Variants in ELMO1 observed in about 807,000 individuals in gnomAD.
ELMO1 encodes the protein engulfment and cell motility protein 1.
Under a neutral mutation model 98.9 loss-of-function variants are expected in ELMO1, and 26 were observed. The ratio of observed to expected loss-of-function variants is 0.26; its 90% confidence interval spans 0.19 to 0.36. The LOEUF is 0.36. ELMO1 is among the 10% of genes least tolerant of loss of function. The probability of loss-of-function intolerance (pLI) is 1.00; values close to 1 mark genes in which losing one functional copy is unlikely to be tolerated. For missense variants in ELMO1, 627 were observed against 935.2 expected (o/e 0.67, Z 4.30); for synonymous variants, 346 against 346.0 (o/e 1.00, Z 0.00).
chr7:36,934,687 A>G (rs1019204261), intron 16 of ELMO1, among the ~76,000 whole-genome samples: 3 of 152,240 alleles, frequency 2.0e-5, no homozygotes, highest in Admixed American at 6.5e-5. Flanking sequence ...CCTTGACAAG[A>G]AGTCAGATGC....
rs1419098615 is a variant in ELMO1 at position 36,870,132 on chromosome 7, A to G, written c.1905+261T>C. On this transcript the variant is annotated intron_variant, in intron 20 of 21. Coordinates refer to ENST00000310758, the MANE Select transcript of ELMO1 (RefSeq NM_014800.11). This position sits in a 1 kb window ranked among gnomAD's most constrained non-coding sequence, Gnocchi z 4.4. ...AAGAGAGGACAAAGTGACAATAGTG[A>G]GGGCAATTCTTAGGGTTGGAAGTAG... is the stretch of plus-strand genomic sequence containing the variant. Among the ~76,000 whole-genome samples the G allele has an allele frequency of 1.3e-5, 2 of 152,168 alleles. No individual in the cohort carries two copies. The highest frequency in any genetic ancestry group is 1.3e-4 in the Admixed American group (2 of 15,278).
chr7:36,973,000 C>CTGACCTCAGGT, intron 16 of ELMO1, among the ~76,000 whole-genome samples: 1 of 152,148 alleles, frequency 6.6e-6, no homozygotes, highest in East Asian at 1.9e-4. Context: ...AGGCTGGTCT[C>CTGACCTCAGGT]GAACTACTGA....
At chr7:36,918,317 C>G (rs1784867692) in intron 16 of ELMO1, among the ~76,000 whole-genome samples, 1 of 152,178 alleles carries the variant, frequency 6.6e-6, no homozygotes, top group African/African-American at 2.4e-5. Context: ...AGGTGCTCAA[C>G]ACCTATTTGC....
intron 16 of ELMO1, among the ~76,000 whole-genome samples, chr7:36,919,932 C>T (rs1000017004): frequency 2.1e-4 from 32 of 152,274 alleles, no homozygotes; most frequent in Non-Finnish European, 4.4e-4. Flanking sequence ...TAATGTGTCA[C>T]GACTGGGAAC....
intron 18 of ELMO1, among the ~76,000 whole-genome samples, chr7:36,879,187 C>T (rs552541226): frequency 6.6e-6 from 1 of 151,184 alleles, no homozygotes; most frequent in African/African-American, 2.4e-5. Flanking sequence ...GGAAGAGTCA[C>T]AGTCTCTCCG....
At chr7:37,393,206 T>C (rs1434050217) in intron 1 of ELMO1, among the ~76,000 whole-genome samples, 2 of 152,184 alleles carry the variant, frequency 1.3e-5, no homozygotes, top group Admixed American at 1.3e-4. Context: ...TATAAATAAA[T>C]TTCATTCTTC....
At chr7:37,124,044 T>C (rs776588591) in intron 14 of ELMO1, among the ~76,000 whole-genome samples, 90 of 152,180 alleles carry the variant, frequency 5.9e-4, no homozygotes, top group Non-Finnish European at 1.1e-3. Flanking sequence ...AACCACATGA[T>C]TACCTCAACA....
intron 15 of ELMO1, among the ~76,000 whole-genome samples, chr7:37,047,219 C>T (rs116648570): frequency 0.016 from 2,460 of 152,298 alleles, 21 homozygotes; most frequent in Middle Eastern, 0.041. Context: ...ATACAAATGA[C>T]CTGGCATTTC....
chr7:37,195,142 C>T (rs1322050336), intron 13 of ELMO1, among the ~76,000 whole-genome samples: 1 of 152,162 alleles, frequency 6.6e-6, no homozygotes, highest in Non-Finnish European at 1.5e-5. Context: ...AAGAATACAA[C>T]ACACTCAGTT....
intron 1 of ELMO1, among the ~76,000 whole-genome samples, chr7:37,359,006 C>T (rs945359323): frequency 6.6e-6 from 1 of 152,118 alleles, no homozygotes; most frequent in Non-Finnish European, 1.5e-5. Flanking sequence ...GAGTCATTGA[C>T]GAACCAGGAT....
chr7:37,383,972 C>T (rs1424478568), intron 1 of ELMO1, among the ~76,000 whole-genome samples: 1 of 152,090 alleles, frequency 6.6e-6, no homozygotes. Flanking sequence ...CCCGCCACCG[C>T]GCCCGGCTAA....
At chr7:36,882,548 C>T (rs1399732331) in intron 18 of ELMO1, among the ~76,000 whole-genome samples, 8 of 152,208 alleles carry the variant, frequency 5.3e-5, no homozygotes, top group Admixed American at 4.6e-4. Flanking sequence ...GACACAGCTG[C>T]TCAGAGCAAA....
At chr7:36,980,056 T>C (rs545411571) in intron 16 of ELMO1, among the ~76,000 whole-genome samples, 1 of 152,210 alleles carries the variant, frequency 6.6e-6, no homozygotes, top group Admixed American at 6.5e-5. Flanking sequence ...CACTTACAGC[T>C]CAAAGGAAAA....
chr7:37,155,487 C>CAAAAA lies in ELMO1; in HGVS notation c.1087-22258_1087-22254dup, dbSNP rs781745325. 5.9e-3 allele frequency among the ~76,000 whole-genome samples: 293 copies of CAAAAA among 49,614 alleles called. 17 individuals carry two copies. The highest frequency in any genetic ancestry group is 0.018 in the African/African-American group (267 of 15,002). 32.5% of individuals were successfully genotyped at this position (49,614 alleles called of 152,430 possible). On this transcript the variant is annotated intron_variant, in intron 13 of 21. Coordinates refer to ENST00000310758, the MANE Select transcript of ELMO1 (RefSeq NM_014800.11). ...GATGGAGGAAGAAGCAAACGGAAAGCAAAAAAAAAAAAAAAAAAAAAGCAG... is the reference window on the plus strand; with the variant it reads ...GATGGAGGAAGAAGCAAACGGAAAGCAAAAAAAAAAAAAAAAAAAAAAAAAAGCAG...
At chr7:37,088,732 T>C (rs1431133205) in intron 15 of ELMO1, among the ~76,000 whole-genome samples, 1 of 152,210 alleles carries the variant, frequency 6.6e-6, no homozygotes, top group Non-Finnish European at 1.5e-5. Context: ...GAGAATACCA[T>C]TATAAATCCC....
chr7:37,311,578 A>T (rs1417498194), intron 4 of ELMO1, among the ~76,000 whole-genome samples: 7 of 152,158 alleles, frequency 4.6e-5, no homozygotes, highest in Non-Finnish European at 7.3e-5. Flanking sequence ...ACTTGCAAGG[A>T]ACTAGATGGA....
At chr7:37,314,679 TATC>T (rs1562605528) in intron 4 of ELMO1, among the ~76,000 whole-genome samples, 168 bp downstream of exon 4, 1 of 152,190 alleles carries the variant, frequency 6.6e-6, no homozygotes, top group Admixed American at 6.5e-5. Flanking sequence ...AGCTGGCAAA[TATC>T]ATCTTGTGGA....
chr7:36,972,849 C>T (rs540243140), intron 16 of ELMO1, among the ~76,000 whole-genome samples: 2 of 152,154 alleles, frequency 1.3e-5, no homozygotes, highest in Non-Finnish European at 2.9e-5. Flanking sequence ...GGCGCGATCT[C>T]GGCTCACTGC....
At chr7:36,871,856 C>T (rs1803533795) in intron 19 of ELMO1, among the ~76,000 whole-genome samples, 1 of 152,078 alleles carries the variant, frequency 6.6e-6, no homozygotes. Context: ...TAACATTTTC[C>T]AGGTACCCTA....
Sources: allele counts gnomAD v4.1 joint callset (sites outside exome capture counted in the v4.1 genomes callset), GRCh38; gene constraint gnomAD v4.1.1; non-coding constraint Gnocchi (gnomAD v3.1); transcripts MANE v1.5; gene names NCBI Gene and HGNC (gene_info 2026-07-23, HGNC 2026-07-21).